The following NDST1 variants were observed in gnomAD, a reference collection of about 807,000 sequenced individuals.
NDST1 encodes the protein bifunctional heparan sulfate N-deacetylase/N-sulfotransferase 1.
NDST1 carries 35 observed loss-of-function variants against 92.8 expected under a neutral mutation model. That is an observed-to-expected ratio of 0.38 (90% CI 0.29 to 0.50). NDST1 has a LOEUF of 0.50. Among genes scored for constraint, NDST1 ranks in the 20% least tolerant of loss-of-function variants. NDST1 has a pLI of 0.94. For missense variants in NDST1, 822 were observed against 1,182.7 expected, an observed-to-expected ratio of 0.69 and a Z score of 4.47; for synonymous variants, 493 against 500.3, an observed-to-expected ratio of 0.99 and a Z score of 0.19.
At chr5:150,531,733 A>G (rs1444577153) in intron 3 of NDST1, among the ~76,000 whole-genome samples, 1 of 152,162 alleles carries the variant, frequency 6.6e-6, no homozygotes, top group Non-Finnish European at 1.5e-5. Flanking sequence ...TCCTGACCTC[A>G]GGTGATCTGC....
chr5:150,516,331 C>T (rs543314489), intron 1 of NDST1, among the ~76,000 whole-genome samples: 13 of 152,298 alleles, frequency 8.5e-5, no homozygotes, highest in East Asian at 5.8e-4. Context: ...TGATCCACAT[C>T]GTGAGGGATT....
At chr5:150,516,680 T>G (rs1753981065) in intron 1 of NDST1, among the ~76,000 whole-genome samples, 1 of 152,162 alleles carries the variant, frequency 6.6e-6, no homozygotes, top group African/African-American at 2.4e-5. Context: ...ATATATATTT[T>G]TTTGAGACAG....
rs951706770 is a variant in NDST1, at chr5:150,521,179, G to C, written c.-76G>C. On this transcript the variant is annotated 5_prime_UTR_variant, in exon 2 of 15. Transcript: ENST00000261797. The surrounding 1 kb of genome is among the most constrained non-coding windows in gnomAD (Gnocchi z 5.9). Reference sequence around the variant, plus strand: ...ATTTGTTGGTCAGTGGACGATTCTCGTGTCTCCTCCTGTGTGGGGCCTTGG... The same window carrying C: ...ATTTGTTGGTCAGTGGACGATTCTCCTGTCTCCTCCTGTGTGGGGCCTTGG... 69 of 1,355,114 alleles carry C rather than the reference G, an allele frequency of 5.1e-5. No homozygotes were observed. The African/African-American group carries it at 9.4e-4, about 18-fold the overall frequency. The allele number at this position is 1,355,114 out of a possible 1,614,324, so 83.9% of individuals were successfully genotyped here.
chr5:150,540,353 A>G (rs1755188084), intron 8 of NDST1, 89 bp downstream of exon 8: 1 of 1,369,448 alleles, frequency 7.3e-7, no homozygotes, highest in South Asian at 1.4e-5. Flanking sequence ...CTCAAGGCTC[A>G]GCCATCATGC....
chr5:150,528,076 G>A lies in NDST1; in HGVS notation c.786G>A (p.Leu262=). Reference sequence around the variant, plus strand: ...CAGACGCCGGCCTGCATGCTGCACTGCACGCCACTGTGGTCCAGGACCTGG... The same window carrying A: ...CAGACGCCGGCCTGCATGCTGCACTACACGCCACTGTGGTCCAGGACCTGG... The part of the protein sequence containing the change: ...LGADAGLHAA[L]HATVVQDLGL... Residue 262 remains leucine, a synonymous_variant, in exon 3 of 15, where the codon CTG becomes CTA. Transcript: ENST00000261797. The A allele has an allele frequency of 1.2e-6, 2 of 1,613,532 alleles. No individual in the cohort carries two copies. The highest frequency in any genetic ancestry group is 2.2e-5 in the East Asian group (1 of 44,874).
At chr5:150,543,007 G>T (rs1188749529) in intron 10 of NDST1, 36 bp downstream of exon 10, 2 of 1,613,002 alleles carry the variant, frequency 1.2e-6, no homozygotes, top group Non-Finnish European at 8.5e-7. Context: ...GGGACGGGAA[G>T]GCCATCCTGG....
At position 150,553,860 on chromosome 5, in the gene NDST1, A is replaced by G. The variant is rs922879749; in HGVS notation, c.*528A>G. The G allele has an allele frequency of 4.6e-6, 2 of 431,942 alleles. No individual in the cohort carries two copies. Among genetic ancestry groups the G allele is most frequent in the Non-Finnish European group, 8.2e-6 (2 of 244,684 alleles). 26.8% of individuals were successfully genotyped at this position (431,942 alleles called of 1,614,324 possible). On this transcript the variant is annotated 3_prime_UTR_variant, in exon 15 of 15. Transcript: ENST00000261797. The surrounding 1 kb of genome is among the most constrained non-coding windows in gnomAD (Gnocchi z 4.2). ...GGCTGGATGGGAGGGTGGCCCCCTCAAGAGGACTCCCAGCCTCCACATCTG... is the reference window on the plus strand; with the variant it reads ...GGCTGGATGGGAGGGTGGCCCCCTCGAGAGGACTCCCAGCCTCCACATCTG...
chr5:150,541,708 C>T (rs114264300), intron 9 of NDST1, 42 bp downstream of exon 9: 2 of 1,564,136 alleles, frequency 1.3e-6, no homozygotes, highest in South Asian at 1.1e-5. Context: ...CAACTGCCTG[C>T]TGTCTCAGCC....
rs141135213 is a variant in NDST1, at chr5:150,521,649, G to T, written c.395G>T (p.Arg132Leu). 3 of 1,614,084 alleles carry T rather than the reference G, an allele frequency of 1.9e-6. No individual in the cohort carries two copies. Among genetic ancestry groups the T allele is most frequent in the Admixed American group, 3.3e-5 (2 of 60,026 alleles). Residue 132 changes from arginine to leucine, a missense_variant, in exon 2 of 15, where the codon CGC becomes CTC. By Grantham distance (102) the Arg-to-Leu change is moderately radical. Coordinates refer to ENST00000261797, the MANE Select transcript of NDST1 (RefSeq NM_001543.5). This position sits in a 1 kb window ranked among gnomAD's most constrained non-coding sequence, Gnocchi z 5.9. ...MPTLTDKGRG[R>L]FALIIYENIL... The stretch of plus-strand genomic sequence containing the variant: ...ACGCTCACTGACAAGGGCCGTGGCC[G>T]CTTCGCCCTCATCATCTATGAGAAC...
At chr5:150,519,880 C>T (rs1020195223) in intron 1 of NDST1, among the ~76,000 whole-genome samples, 12 of 151,854 alleles carry the variant, frequency 7.9e-5, no homozygotes, top group Non-Finnish European at 1.5e-4. Context: ...GTATAGGAGG[C>T]GTGGCCTGGG....
chr5:150,537,735 G>A lies in NDST1; in HGVS notation c.1438-1493G>A, dbSNP rs868737798. ...GATCTCTGTGACCCACACCCTATTC[G>A]TACGCTCCCTCCCCTTTCGAAAATC... is the stretch of plus-strand genomic sequence containing the variant. On this transcript the variant is annotated intron_variant, in intron 6 of 14. Transcript: ENST00000261797. Among the ~76,000 whole-genome samples the A allele has an allele frequency of 7.9e-5, 12 of 152,098 alleles. 1 individual carries two copies. The highest frequency in any genetic ancestry group is 4.1e-4 in the South Asian group (2 of 4,826).
intron 1 of NDST1, among the ~76,000 whole-genome samples, chr5:150,498,696 C>T (rs572943374): frequency 2.0e-4 from 30 of 152,334 alleles, no homozygotes; most frequent in African/African-American, 5.5e-4. Context: ...CTTCCCCCCA[C>T]GGAGCTGTCG....
chr5:150,537,578 T>C (rs958119995), intron 6 of NDST1, among the ~76,000 whole-genome samples: 2 of 152,230 alleles, frequency 1.3e-5, no homozygotes, highest in Non-Finnish European at 2.9e-5. Flanking sequence ...TCTCAAACCC[T>C]GTCTGCTGAT....
At chr5:150,549,624 C>T (rs1755636252) in intron 12 of NDST1, 54 bp from the exon 13 acceptor site, 1 of 1,096,946 alleles carries the variant, frequency 9.1e-7, no homozygotes, top group Non-Finnish European at 1.4e-6. Flanking sequence ...TGGCTGTTGC[C>T]CTTGTTTGCC....
At chr5:150,544,730 C>T (rs931793812) in intron 10 of NDST1, among the ~76,000 whole-genome samples, 2 of 152,180 alleles carry the variant, frequency 1.3e-5, no homozygotes, top group African/African-American at 4.8e-5. Context: ...GGCCATTGCT[C>T]TGGTGGGATA....
At chr5:150,502,551 C>T (rs765700380) in intron 1 of NDST1, among the ~76,000 whole-genome samples, 2 of 151,900 alleles carry the variant, frequency 1.3e-5, no homozygotes, top group Non-Finnish European at 1.5e-5. Context: ...GGTGCTGGGT[C>T]CTGCATGTTC....
chr5:150,548,499 T>A, intron 12 of NDST1, 111 bp downstream of exon 12: 5 of 1,166,636 alleles, frequency 4.3e-6, no homozygotes, highest in Non-Finnish European at 6.2e-6. Context: ...ATGCCCTCCT[T>A]GGAGAGCTAG....
In NDST1 at chr5:150,540,413, C is replaced by T. The variant is rs570623388; in HGVS notation, c.1749+149C>T. On this transcript the variant is annotated intron_variant, in intron 8 of 14. Coordinates refer to ENST00000261797, the MANE Select transcript of NDST1 (RefSeq NM_001543.5). Reference sequence around the variant, plus strand: ...ACTCAGGTCCCCATCTACTTACCAGCATGGGTGCGTTCACTCCTTTGCACA... The same window carrying T: ...ACTCAGGTCCCCATCTACTTACCAGTATGGGTGCGTTCACTCCTTTGCACA... 1.2e-5 allele frequency: 10 copies of T among 831,024 alleles called. No homozygotes were observed. In the Middle Eastern group the frequency reaches 1.5e-3, roughly 122 times the overall value. The allele number at this position is 831,024 out of a possible 1,614,324, so 51.5% of individuals were successfully genotyped here.
At position 150,528,232 on chromosome 5, in the gene NDST1, C is replaced by G. The variant is rs1275618642; in HGVS notation, c.942C>G (p.Ile314Met). 6.2e-7 allele frequency: 1 copy of G among 1,612,994 alleles called. No individual in the cohort carries two copies. Residue 314 changes from isoleucine to methionine, a missense_variant, in exon 3 of 15, where the codon ATC (isoleucine) becomes ATG (methionine). Transcript: ENST00000261797. ...KRLSLPLDRYILVDIDDIFVG... is the reference protein window; with the variant it reads ...KRLSLPLDRYMLVDIDDIFVG... ...TCTCCCTGCCATTGGACCGCTACAT[C>G]CTGGTGGACATTGATGACATCTTCG...
Sources: gnomAD v4.1 joint callset for allele counts (sites outside exome capture counted in the v4.1 genomes callset) on GRCh38, gnomAD v4.1.1 for gene constraint, Gnocchi (gnomAD v3.1) non-coding constraint, MANE v1.5 for transcripts, NCBI Gene and HGNC (gene_info 2026-07-23, HGNC 2026-07-21) for gene names.